MGAT4C: variants seen among roughly 807,000 people sequenced by gnomAD.
The protein encoded by MGAT4C is MGAT4 family member C.
MGAT4C carries 19 observed loss-of-function variants against 40.1 expected under a neutral mutation model. That is an observed-to-expected ratio of 0.47 (90% CI 0.33 to 0.70). MGAT4C has a LOEUF of 0.70. MGAT4C is among the 30% of genes least tolerant of loss of function. The probability of loss-of-function intolerance (pLI) is 0.02; values close to 1 mark genes in which losing one functional copy is unlikely to be tolerated. For synonymous variants in MGAT4C, 181 were observed against 187.1 expected (o/e 0.97, Z 0.27); for missense variants, 491 against 563.2 (o/e 0.87, Z 1.30).
chr12:86,389,092 G>C (rs1372725194), intron 3 of MGAT4C, among the ~76,000 whole-genome samples: 1 of 152,060 alleles, frequency 6.6e-6, no homozygotes, highest in Non-Finnish European at 1.5e-5. Context: ...AGATTTGTTA[G>C]ATAGGTAAAC....
At chr12:86,175,663 T>C (rs1338377574) in intron 1 of MGAT4C, among the ~76,000 whole-genome samples, 1 of 151,864 alleles carries the variant, frequency 6.6e-6, no homozygotes, top group Non-Finnish European at 1.5e-5. Context: ...ATCACCTAAA[T>C]AATTTTGGCT....
intron 2 of MGAT4C, among the ~76,000 whole-genome samples, chr12:86,045,641 G>T (rs984684780): frequency 6.6e-6 from 1 of 152,098 alleles, no homozygotes; most frequent in Non-Finnish European, 1.5e-5. Flanking sequence ...TTACTTATCT[G>T]ATCTCCTACT....
rs968174365 is a variant in MGAT4C at position 86,491,394 on chromosome 12, T to C, written c.-228-56129A>G. Among the ~76,000 whole-genome samples, 178 of 152,142 alleles carry C rather than the reference T, an allele frequency of 1.2e-3. 1 individual carries two copies. Among genetic ancestry groups the C allele is most frequent in the Non-Finnish European group, 2.1e-3 (141 of 67,988 alleles). On this transcript the variant is annotated intron_variant, in intron 2 of 7. Coordinates refer to the MGAT4C transcript ENST00000548651. ...TGATGAACATTGATGCAAAAATCCT[T>C]AATAAAATACTGGCAAACTGAATCC...
chr12:86,516,506 A>G (rs1480994085), intron 2 of MGAT4C, among the ~76,000 whole-genome samples: 3 of 152,192 alleles, frequency 2.0e-5, no homozygotes, highest in Non-Finnish European at 4.4e-5. Context: ...TAAGTGCTAA[A>G]ACTCTAAAAC....
chr12:86,776,515 TAA>T (rs1951750997), intron 1 of MGAT4C, among the ~76,000 whole-genome samples: 1 of 152,062 alleles, frequency 6.6e-6, no homozygotes, highest in Non-Finnish European at 1.5e-5. Context: ...CAAATATAAC[TAA>T]ACAGCCTTTT....
At chr12:86,263,428 A>G (rs1952705325) in intron 4 of MGAT4C, among the ~76,000 whole-genome samples, 1 of 151,940 alleles carries the variant, frequency 6.6e-6, no homozygotes, top group African/African-American at 2.4e-5. Flanking sequence ...AATACACAAT[A>G]TTTGTCTTTC....
intron 2 of MGAT4C, among the ~76,000 whole-genome samples, chr12:86,029,394 A>G (rs958514159): frequency 6.6e-6 from 1 of 151,948 alleles, no homozygotes; most frequent in Non-Finnish European, 1.5e-5. Flanking sequence ...CTTTTTAAAC[A>G]GTACATTTAA....
chr12:86,609,365 A>G lies in MGAT4C; in HGVS notation c.-229+117844T>C, dbSNP rs148350832. On this transcript the variant is annotated intron_variant, in intron 2 of 7. Transcript: ENST00000548651. Reference sequence around the variant, plus strand: ...AAGCCTTAGAAATTCAACAGAATCAATATTTGTTATGCTTATATCAACAAA... The same window carrying G: ...AAGCCTTAGAAATTCAACAGAATCAGTATTTGTTATGCTTATATCAACAAA... Among the ~76,000 whole-genome samples, 6 of 152,212 alleles carry G rather than the reference A, an allele frequency of 3.9e-5. No homozygotes were observed. The East Asian group carries it at 7.7e-4, about 20-fold the overall frequency.
At chr12:86,779,012 A>AT (rs969578389) in intron 1 of MGAT4C, among the ~76,000 whole-genome samples, 4 of 46,718 alleles carry the variant, frequency 8.6e-5, no homozygotes, top group African/African-American at 2.7e-4. Flanking sequence ...CAATTTCACT[A>AT]AAAAAAAAAA....
At chr12:86,680,586 C>T (rs1398785346) in intron 2 of MGAT4C, among the ~76,000 whole-genome samples, 1 of 152,050 alleles carries the variant, frequency 6.6e-6, no homozygotes, top group Non-Finnish European at 1.5e-5. Flanking sequence ...CATAGTTTCA[C>T]AGACACGACT....
chr12:86,103,022 T>C (rs1368750769), intron 1 of MGAT4C, among the ~76,000 whole-genome samples: 1 of 152,204 alleles, frequency 6.6e-6, no homozygotes, highest in Non-Finnish European at 1.5e-5. Context: ...TACGTATTTT[T>C]ATTTTAAGAA....
At chr12:86,269,908 T>C (rs918085488) in intron 4 of MGAT4C, among the ~76,000 whole-genome samples, 2 of 152,200 alleles carry the variant, frequency 1.3e-5, no homozygotes, top group African/African-American at 4.8e-5. Flanking sequence ...ATAAAATATA[T>C]ATAACATAAA....
intron 4 of MGAT4C, among the ~76,000 whole-genome samples, chr12:86,295,343 C>G (rs1953637066): frequency 1.3e-5 from 2 of 152,144 alleles, no homozygotes; most frequent in South Asian, 4.1e-4. Flanking sequence ...GTTGGTCTCA[C>G]TGACTTCAAG....
chr12:86,672,454 T>C (rs1246035276), intron 2 of MGAT4C, among the ~76,000 whole-genome samples: 3 of 151,744 alleles, frequency 2.0e-5, no homozygotes, highest in Non-Finnish European at 4.4e-5. Flanking sequence ...GAAATTGAAG[T>C]GAAGAAAACA....
intron 2 of MGAT4C, among the ~76,000 whole-genome samples, chr12:86,032,154 T>C (rs575861057): frequency 6.6e-6 from 1 of 152,012 alleles, no homozygotes; most frequent in Non-Finnish European, 1.5e-5. Context: ...GTTTTCTTTA[T>C]GTATTCTACC....
At chr12:86,219,818 G>T (rs1950814206) in intron 1 of MGAT4C, among the ~76,000 whole-genome samples, 1 of 152,116 alleles carries the variant, frequency 6.6e-6, no homozygotes, top group East Asian at 1.9e-4. Context: ...TTACTGGAAG[G>T]CCTATCCCCC....
rs1002313892 is a variant in MGAT4C at position 86,639,756 on chromosome 12, T to C, written c.-229+87453A>G. Among the ~76,000 whole-genome samples, 4 of 151,722 alleles carry C rather than the reference T, an allele frequency of 2.6e-5. No homozygotes were observed. The South Asian group carries it at 6.2e-4, about 24-fold the overall frequency. ...AATCATTTAAATGCTGTATAATAGATATCCAATAGCTGTTGATATTTTCAA... is the reference window on the plus strand; with the variant it reads ...AATCATTTAAATGCTGTATAATAGACATCCAATAGCTGTTGATATTTTCAA... On this transcript the variant is annotated intron_variant, in intron 2 of 7. Coordinates refer to the MGAT4C transcript ENST00000548651.
At chr12:86,664,604 A>G (rs1964058010) in intron 2 of MGAT4C, among the ~76,000 whole-genome samples, 1 of 152,100 alleles carries the variant, frequency 6.6e-6, no homozygotes, top group African/African-American at 2.4e-5. Flanking sequence ...TTCCAGCTCC[A>G]TATAAAAATT....
rs1050432591 is a variant in MGAT4C, at chr12:86,102,005, T to C, written c.-56-52282A>G. Among the ~76,000 whole-genome samples, 8 of 152,094 alleles carry C rather than the reference T, an allele frequency of 5.3e-5. No homozygotes were observed. The South Asian group carries it at 1.4e-3, about 28-fold the overall frequency. ...AGAATAATGTTTCTTATCCAAAATA[T>C]AGGCTGACAACTGGCCTAATTAATC... On this transcript the variant is annotated intron_variant, in intron 1 of 4. Coordinates refer to ENST00000611864, the MANE Select transcript of MGAT4C (RefSeq NM_001351288.2).
Sources: allele counts gnomAD v4.1 joint callset (sites outside exome capture counted in the v4.1 genomes callset), GRCh38; gene constraint gnomAD v4.1.1; transcripts MANE v1.5; gene names NCBI Gene and HGNC (gene_info 2026-07-23, HGNC 2026-07-21).